KDF1: variants seen among roughly 807,000 people sequenced by gnomAD.
KDF1 encodes keratinocyte differentiation factor 1, also known as RP11-344H11.3.
Under a neutral mutation model 31.6 loss-of-function variants are expected in KDF1, and 11 were observed. That is an observed-to-expected ratio of 0.35 (90% CI 0.22 to 0.58). The LOEUF is 0.58. Among genes scored for constraint, KDF1 ranks in the 20% least tolerant of loss-of-function variants. The pLI, the probability that KDF1 is intolerant of heterozygous loss-of-function variation, is 0.83. For missense variants in KDF1, 476 were observed against 549.1 expected, an observed-to-expected ratio of 0.87 and a Z score of 1.33; for synonymous variants, 205 against 214.4, an observed-to-expected ratio of 0.96 and a Z score of 0.38.
At chr1:26,956,468 T>C (rs1368645804) in intron 1 of KDF1, among the ~76,000 whole-genome samples, 1 of 152,200 alleles carries the variant, frequency 6.6e-6, no homozygotes, top group South Asian at 2.1e-4. Flanking sequence ...ATGGGATGAA[T>C]TGACATCAAG....
Position 26,949,840 on chromosome 1 carries a change from A to G in KDF1, c.*229T>C. 2.0e-6 allele frequency: 1 copy of G among 492,772 alleles called. No homozygotes were observed. The highest frequency in any genetic ancestry group is 3.7e-6 in the Non-Finnish European group (1 of 269,264). 30.5% of individuals were successfully genotyped at this position (492,772 alleles called of 1,614,324 possible). ...AGGCCACCTGAAGACCATGAGCAGGAAGGAAGGGGCCCTGGCAGGGATCAG... is the reference window on the plus strand; with the variant it reads ...AGGCCACCTGAAGACCATGAGCAGGGAGGAAGGGGCCCTGGCAGGGATCAG... On this transcript the variant is annotated 3_prime_UTR_variant, in exon 4 of 4. Coordinates refer to ENST00000320567, the MANE Select transcript of KDF1 (RefSeq NM_152365.3).
intron 1 of KDF1, among the ~76,000 whole-genome samples, chr1:26,953,219 C>T (rs1266030228): frequency 3.3e-5 from 5 of 152,132 alleles, no homozygotes; most frequent in African/African-American, 1.2e-4. Context: ...GATACTCAAT[C>T]TCTCAATCTG....
rs1371717230 is a variant in KDF1 at position 26,951,390 on chromosome 1, G to C, written c.991C>G (p.Pro331Ala). 3 of 1,607,074 alleles carry C rather than the reference G, an allele frequency of 1.9e-6. No homozygotes were observed. Among genetic ancestry groups the C allele is most frequent in the Non-Finnish European group, 2.6e-6 (3 of 1,176,072 alleles). The change falls in exon 2 of 4, where the codon CCT becomes GCT. Residue 331 changes from proline (P) to alanine (A), a missense_variant. By Grantham distance (27) the Pro-to-Ala change is conservative (BLOSUM62 -1). Coordinates refer to ENST00000320567, the MANE Select transcript of KDF1 (RefSeq NM_152365.3). The surrounding 1 kb of genome is among the most constrained non-coding windows in gnomAD (Gnocchi z 5.4). ...ACCATGGTCTCATGGCCACTGTCAGGGGCAGCAGCGGTTGGGGCAGCAGCC... is the reference window on the plus strand; with the variant it reads ...ACCATGGTCTCATGGCCACTGTCAGCGGCAGCAGCGGTTGGGGCAGCAGCC... ...TRAAAPTAAA[P>A]DSGHETMVGS...
At position 26,952,601 on chromosome 1, in the gene KDF1, C is replaced by T. The variant is rs2082358082; in HGVS notation, c.-32-189G>A. 6.6e-6 allele frequency among the ~76,000 whole-genome samples: 1 copy of T among 151,200 alleles called. No individual in the cohort carries two copies. The highest frequency in any genetic ancestry group is 1.5e-5 in the Non-Finnish European group (1 of 68,016). On this transcript the variant is annotated intron_variant, in intron 1 of 3. Coordinates refer to ENST00000320567, the MANE Select transcript of KDF1 (RefSeq NM_152365.3). The surrounding 1 kb of genome is among the most constrained non-coding windows in gnomAD (Gnocchi z 4.1). ...GCCCAAAAACCCTTATCTCTTGTGG[C>T]CCTCCCTCCACAAAGAGAAAGTCTC... is the stretch of plus-strand genomic sequence containing the variant.
At position 26,951,625 on chromosome 1, in the gene KDF1, G is replaced by A. The variant is rs773578567; in HGVS notation, c.756C>T (p.Ser252=). 18 of 1,613,772 alleles carry A rather than the reference G, an allele frequency of 1.1e-5. No individual in the cohort carries two copies. The Admixed American group carries it at 1.5e-4, about 13-fold the overall frequency. Residue 252 remains serine (S), a synonymous_variant, in exon 2 of 4, where the codon AGC becomes AGT. Coordinates refer to ENST00000320567, the MANE Select transcript of KDF1 (RefSeq NM_152365.3). The surrounding 1 kb of genome is among the most constrained non-coding windows in gnomAD (Gnocchi z 5.4). The part of the protein sequence containing the change: ...LIFKKLTELF[S]VHQIDELAKC... Reference sequence around the variant, plus strand: ...TGGCCAGCTCATCGATCTGGTGTACGCTGAACAGCTCTGTCAGCTTCTTGA... The same window carrying A: ...TGGCCAGCTCATCGATCTGGTGTACACTGAACAGCTCTGTCAGCTTCTTGA...
intron 1 of KDF1, among the ~76,000 whole-genome samples, chr1:26,958,655 A>G (rs906749117): frequency 5.3e-5 from 8 of 152,198 alleles, no homozygotes; most frequent in African/African-American, 1.9e-4. Flanking sequence ...CCATACATCT[A>G]TCTGTACACA....
intron 1 of KDF1, among the ~76,000 whole-genome samples, chr1:26,958,434 A>T (rs2082387104): frequency 6.6e-6 from 1 of 152,066 alleles, no homozygotes; most frequent in African/African-American, 2.4e-5. Flanking sequence ...CGCCCGGCCT[A>T]GCTGTTCTAA....
In KDF1 at chr1:26,960,447, G is replaced by A. The variant is rs1355535841; in HGVS notation, c.-130C>T. The A allele has an allele frequency of 6.6e-6, 1 of 152,330 alleles. No individual in the cohort carries two copies. Among genetic ancestry groups the A allele is most frequent in the South Asian group, 2.1e-4 (1 of 4,840 alleles). The allele number at this position is 152,330 out of a possible 1,614,324, so 9.4% of individuals were successfully genotyped here. On this transcript the variant is annotated 5_prime_UTR_variant, in exon 1 of 4. Coordinates refer to ENST00000320567, the MANE Select transcript of KDF1 (RefSeq NM_152365.3). The surrounding 1 kb of genome is among the most constrained non-coding windows in gnomAD (Gnocchi z 4.9). ...GAGCGTCTCGCGGGAGCGCTGCACGGGCCGCCGCTAGGGACACACTTCCTG... is the reference window on the plus strand; with the variant it reads ...GAGCGTCTCGCGGGAGCGCTGCACGAGCCGCCGCTAGGGACACACTTCCTG...
chr1:26,953,585 G>A (rs2082362349), intron 1 of KDF1, among the ~76,000 whole-genome samples: 1 of 152,324 alleles, frequency 6.6e-6, no homozygotes, highest in Admixed American at 6.5e-5. Flanking sequence ...CCTTAAAAAG[G>A]AAAGGAAATT....
chr1:26,954,230 T>G (rs1196612404), intron 1 of KDF1, among the ~76,000 whole-genome samples: 2 of 151,374 alleles, frequency 1.3e-5, no homozygotes, highest in Non-Finnish European at 3.0e-5. Flanking sequence ...ATATGTTTTT[T>G]TTTTTTTTTT....
chr1:26,952,451 G>T lies in KDF1; in HGVS notation c.-32-39C>A. 3 of 1,389,328 alleles carry T rather than the reference G, an allele frequency of 2.2e-6. No homozygotes were observed. Among genetic ancestry groups the T allele is most frequent in the Non-Finnish European group, 2.9e-6 (3 of 1,038,906 alleles). 86.1% of individuals were successfully genotyped at this position (1,389,328 alleles called of 1,614,324 possible). Reference sequence around the variant, plus strand: ...GGCCAGGAAGGAGTCAGGATCAGAGGTGAGGGACAAACTCCTGGGCTGACT... The same window carrying T: ...GGCCAGGAAGGAGTCAGGATCAGAGTTGAGGGACAAACTCCTGGGCTGACT... On this transcript the variant is annotated intron_variant, in intron 1 of 3. Coordinates refer to ENST00000320567, the MANE Select transcript of KDF1 (RefSeq NM_152365.3). The surrounding 1 kb of genome is among the most constrained non-coding windows in gnomAD (Gnocchi z 4.1).
chr1:26,954,835 CAAA>C (rs111644194), intron 1 of KDF1, among the ~76,000 whole-genome samples: 1 of 66,300 alleles, frequency 1.5e-5, no homozygotes, highest in Non-Finnish European at 3.1e-5. Context: ...GACTCTGTCT[CAAA>C]AAAAAAAAAA....
chr1:26,958,828 T>C (rs1231550744), intron 1 of KDF1, among the ~76,000 whole-genome samples: 1 of 152,184 alleles, frequency 6.6e-6, no homozygotes, highest in Non-Finnish European at 1.5e-5. Flanking sequence ...AGTGGACAGA[T>C]CTACAGTTAA....
At position 26,951,481 on chromosome 1, in the gene KDF1, G is replaced by A. The variant is rs776055466; in HGVS notation, c.900C>T (p.Gly300=). 7.3e-5 allele frequency: 117 copies of A among 1,613,668 alleles called. 2 individuals are homozygous for A. In the East Asian group the frequency reaches 2.6e-3, roughly 36 times the overall value. ...EQDAEGRLVR[G]IIRISTRKSR... ...TCTTTCGGGTACTAATGCGAATGAT[G>A]CCGCGTACCAGGCGGCCCTCAGCAT... Residue 300 remains glycine, a synonymous_variant, in exon 2 of 4, where the codon GGC becomes GGT. Transcript: ENST00000320567. The surrounding 1 kb of genome is among the most constrained non-coding windows in gnomAD (Gnocchi z 5.4).
At chr1:26,958,505 G>A (rs1319470312) in intron 1 of KDF1, among the ~76,000 whole-genome samples, 9 of 152,206 alleles carry the variant, frequency 5.9e-5, no homozygotes, top group Admixed American at 5.2e-4. Flanking sequence ...TTACAATCCA[G>A]TGAGAGTTGA....
rs1278349399 is a variant in KDF1, at chr1:26,950,854, C to T, written c.1040-98G>A. 1.9e-6 allele frequency: 2 copies of T among 1,057,484 alleles called. No homozygotes were observed. Among genetic ancestry groups the T allele is most frequent in the Non-Finnish European group, 2.9e-6 (2 of 685,684 alleles). The allele number at this position is 1,057,484 out of a possible 1,614,324, so 65.5% of individuals were successfully genotyped here. Reference sequence around the variant, plus strand: ...AGCCCGATGAGGGAGGAGCCACTCACTCCTGGGCAGGGCTAGAAAAATAAT... The same window carrying T: ...AGCCCGATGAGGGAGGAGCCACTCATTCCTGGGCAGGGCTAGAAAAATAAT... On this transcript the variant is annotated intron_variant, in intron 2 of 3. Coordinates refer to ENST00000320567, the MANE Select transcript of KDF1 (RefSeq NM_152365.3). The surrounding 1 kb of genome is among the most constrained non-coding windows in gnomAD (Gnocchi z 4.0).
At chr1:26,953,598 T>A (rs2082362434) in intron 1 of KDF1, among the ~76,000 whole-genome samples, 1 of 152,222 alleles carries the variant, frequency 6.6e-6, no homozygotes, top group African/African-American at 2.4e-5. Flanking sequence ...AGGAAATTCT[T>A]ATACATGCTG....
chr1:26,956,193 G>A (rs550133420), intron 1 of KDF1, among the ~76,000 whole-genome samples: 27 of 152,226 alleles, frequency 1.8e-4, no homozygotes, highest in African/African-American at 6.5e-4. Context: ...CCGGGGGTGT[G>A]TGAGGAATGT....
In KDF1 at chr1:26,952,100, C is replaced by T. The variant is rs541799014; in HGVS notation, c.281G>A (p.Arg94His). Reference protein sequence around the residue: ...EWCRAAFCFRRCRDCLQRCGA... With the variant: ...EWCRAAFCFRHCRDCLQRCGA... ...ACAGCGCTGGAGGCAATCCCGGCAG[C>T]GGCGGAAGCAGAAGGCAGCCCGGCA... Residue 94 changes from arginine (R) to histidine (H), a missense_variant, in exon 2 of 4, where the codon CGC becomes CAC. Transcript: ENST00000320567. This position sits in a 1 kb window ranked among gnomAD's most constrained non-coding sequence, Gnocchi z 4.1. 56 of 1,613,286 alleles carry T rather than the reference C, an allele frequency of 3.5e-5. No individual in the cohort carries two copies. Among genetic ancestry groups the T allele is most frequent in the Admixed American group, 1.0e-4 (6 of 60,006 alleles).
Sources: allele counts gnomAD v4.1 joint callset (sites outside exome capture counted in the v4.1 genomes callset), GRCh38; gene constraint gnomAD v4.1.1; non-coding constraint Gnocchi (gnomAD v3.1); transcripts MANE v1.5; gene names NCBI Gene and HGNC (gene_info 2026-07-23, HGNC 2026-07-21).